The following PRDM15 variants were observed in gnomAD, a reference collection of about 807,000 sequenced individuals.
PRDM15 encodes the protein PR/SET domain 15.
PRDM15 carries 64 observed loss-of-function variants against 128.6 expected under a neutral mutation model. The ratio of observed to expected loss-of-function variants is 0.50; its 90% CI spans 0.41 to 0.61. PRDM15 has a LOEUF of 0.61. Ranked by LOEUF, PRDM15 falls within the 20% of genes least tolerant of loss-of-function variation. The pLI, the probability that PRDM15 is intolerant of heterozygous loss-of-function variation, is 0.00. For missense variants in PRDM15, 1,242 were observed against 1,569.1 expected, an observed-to-expected ratio of 0.79 and a Z score of 3.52; for synonymous variants, 615 against 621.8, an observed-to-expected ratio of 0.99 and a Z score of 0.16.
At chr21:41,851,646 T>A (rs1270022881) in intron 5 of PRDM15, among the ~76,000 whole-genome samples, 1 of 152,026 alleles carries the variant, frequency 6.6e-6, no homozygotes, top group Non-Finnish European at 1.5e-5. Context: ...GGCTTGCCAT[T>A]TGAACAATCA....
chr21:41,836,307 C>T, intron 9 of PRDM15, 100 bp from the exon 10 acceptor site: 1 of 1,324,116 alleles, frequency 7.6e-7, no homozygotes, highest in Non-Finnish European at 1.1e-6. Context: ...CTCGCTCCCA[C>T]CATGCGAAGG....
chr21:41,867,836 C>T (rs2064067138), intron 1 of PRDM15, among the ~76,000 whole-genome samples: 1 of 152,128 alleles, frequency 6.6e-6, no homozygotes, highest in Admixed American at 6.6e-5. Flanking sequence ...GCAGGTGAAT[C>T]ACCTGAGGTC....
intron 1 of PRDM15, chr21:41,871,517 C>G: frequency 1.2e-6 from 2 of 1,607,760 alleles, no homozygotes. Context: ...AGGATTGCGT[C>G]GCAGGCCTGC....
At chr21:41,847,323 G>A in intron 5 of PRDM15, 132 bp from the exon 6 acceptor site, 2 of 619,124 alleles carry the variant, frequency 3.2e-6, no homozygotes, top group Non-Finnish European at 5.6e-6. Context: ...AGACGGGCCT[G>A]TGGTCACTCC....
chr21:41,799,498 C>T lies in PRDM15; in HGVS notation c.*1742G>A, dbSNP rs1484137659. The T allele has an allele frequency of 2.6e-5, 4 of 152,256 alleles. 1 individual carries two copies. Among genetic ancestry groups the T allele is most frequent in the East Asian group, 1.9e-4 (1 of 5,186 alleles). 9.4% of individuals were successfully genotyped at this position (152,256 alleles called of 1,614,324 possible). Reference sequence around the variant, plus strand: ...ATTCAACTGAGAGGTGAGAGCTAGGCGCGAGTGATGGTGGGTAAGGTGAGG... The same window carrying T: ...ATTCAACTGAGAGGTGAGAGCTAGGTGCGAGTGATGGTGGGTAAGGTGAGG... On this transcript the variant is annotated 3_prime_UTR_variant, in exon 24 of 24. Transcript: ENST00000398548.
rs187056816 is a variant in PRDM15 at position 41,864,063 on chromosome 21, C to T, written c.-9-3691G>A. Among the ~76,000 whole-genome samples, 296 of 152,268 alleles carry T rather than the reference C, an allele frequency of 1.9e-3. 1 individual carries two copies. Among genetic ancestry groups the T allele is most frequent in the African/African-American group, 5.7e-3 (235 of 41,530 alleles). ...TTCACCATGTTGGCCAGGAGGGCCT[C>T]GATCTCTTGACCTCGTGATCTGCCC... is the stretch of plus-strand genomic sequence containing the variant. On this transcript the variant is annotated intron_variant, in intron 1 of 23. Coordinates refer to ENST00000398548, the MANE Select transcript of PRDM15 (RefSeq NM_001040424.3).
rs1158170548 is a variant in PRDM15, at chr21:41,844,709, G to GACACAC, written c.640+2375_640+2380dup. 5.3e-3 allele frequency among the ~76,000 whole-genome samples: 5 copies of GACACAC among 950 alleles called. 2 individuals carry two copies. The highest frequency in any genetic ancestry group is 0.023 in the African/African-American group (2 of 86). 0.6% of individuals were successfully genotyped at this position (950 alleles called of 152,430 possible). On this transcript the variant is annotated intron_variant, in intron 6 of 23. Transcript: ENST00000398548. ...CACACAGCCCCTCCTCCATCACAGG[G>GACACAC]ACACACACACACACACACACACACA...
chr21:41,804,582 G>T lies in PRDM15; in HGVS notation c.2685C>A (p.His895Gln), dbSNP rs1398907644. ...VLAVRIDDLD[H>Q]LPETTTIDAS... ...CGTCGATGGTGGTGGTCTCCGGGAG[G>T]TGGTCCAGGTCATCGATCCTCACCG... Residue 895 changes from histidine to glutamine, a missense_variant, in exon 22 of 24, where the codon CAC becomes CAA. Physicochemically the swap from His to Gln is conservative, Grantham distance 24 (BLOSUM62 0). This residue lies in a region of PRDM15 where 602 missense variants were observed against 788.3 expected (regional missense o/e 0.76). Coordinates refer to ENST00000398548, the MANE Select transcript of PRDM15 (RefSeq NM_001040424.3). 3 of 1,571,432 alleles carry T rather than the reference G, an allele frequency of 1.9e-6. No individual in the cohort carries two copies. Among genetic ancestry groups the T allele is most frequent in the Non-Finnish European group, 1.7e-6 (2 of 1,158,250 alleles).
chr21:41,836,627 T>G lies in PRDM15; in HGVS notation c.1024A>C (p.Thr342Pro). 3 of 1,607,426 alleles carry G rather than the reference T, an allele frequency of 1.9e-6. No homozygotes were observed. The highest frequency in any genetic ancestry group is 2.6e-6 in the Non-Finnish European group (3 of 1,174,976). The change falls in exon 9 of 24, where the codon ACC becomes CCC. Residue 342 changes from threonine (T) to proline (P), a missense_variant. Thr to Pro is a conservative substitution (Grantham distance 38). Coordinates refer to ENST00000398548, the MANE Select transcript of PRDM15 (RefSeq NM_001040424.3). ...VPKFTHHQNN[T>P]ITLKRSLILS... ...ATTAAGCTCCTCTTGAGCGTGATGG[T>G]GTTATTCTGATGATGGGTGAACCTG... is the stretch of plus-strand genomic sequence containing the variant.
rs774058087 is a variant in PRDM15 at position 41,825,941 on chromosome 21, C to T, written c.1629+19G>A. The T allele has an allele frequency of 3.9e-5, 61 of 1,576,960 alleles. No homozygotes were observed. Among genetic ancestry groups the T allele is most frequent in the Non-Finnish European group, 4.8e-5 (55 of 1,146,326 alleles). Reference sequence around the variant, plus strand: ...ATGTGCTTTCCATCTCAGCGTCCGACGTGGACTGCGAGCATTACCTTGCCA... The same window carrying T: ...ATGTGCTTTCCATCTCAGCGTCCGATGTGGACTGCGAGCATTACCTTGCCA... On this transcript the variant is annotated intron_variant, in intron 13 of 23. Transcript: ENST00000398548.
At chr21:41,817,616 G>C (rs1358874095) in intron 18 of PRDM15, among the ~76,000 whole-genome samples, 1 of 152,142 alleles carries the variant, frequency 6.6e-6, no homozygotes, top group Non-Finnish European at 1.5e-5. Flanking sequence ...AAAGGGTCTG[G>C]TTATATGAAT....
intron 18 of PRDM15, among the ~76,000 whole-genome samples, chr21:41,818,811 TATG>T (rs956864123): frequency 5.3e-5 from 8 of 152,206 alleles, no homozygotes; most frequent in Non-Finnish European, 7.3e-5. Context: ...GGGTTAAAAT[TATG>T]ATGTGTACTG....
At chr21:41,853,045 C>T (rs575749675) in intron 5 of PRDM15, among the ~76,000 whole-genome samples, 1 of 152,246 alleles carries the variant, frequency 6.6e-6, no homozygotes, top group Admixed American at 6.5e-5. Context: ...AGTCCCGGGA[C>T]AGATTCTCCC....
Position 41,860,346 on chromosome 21 carries a change from G to A in PRDM15, c.18C>T (p.Ser6=), listed in dbSNP as rs142772562. Residue 6 remains serine (S), a synonymous_variant, in exon 2 of 24, where the codon AGC becomes AGT. Transcript: ENST00000398548. MAEDG[S]EEIMFIWCED... ...ACTTACAGATGAACATGATCTCTTC[G>A]CTCCCATCTTCAGCCATCTCTGACA... 39 of 1,613,764 alleles carry A rather than the reference G, an allele frequency of 2.4e-5. 1 individual carries two copies. The highest frequency in any genetic ancestry group is 3.3e-4 in the Middle Eastern group (2 of 6,062).
At chr21:41,871,759 T>C in intron 1 of PRDM15, 1 of 946,088 alleles carries the variant, frequency 1.1e-6, no homozygotes, top group Non-Finnish European at 1.5e-6. Context: ...CCTTCCTGGA[T>C]GGTTGCTGCT....
At chr21:41,864,384 A>G (rs73361568) in intron 1 of PRDM15, among the ~76,000 whole-genome samples, 4,719 of 152,288 alleles carry the variant, frequency 0.031, 249 homozygotes, top group African/African-American at 0.11. Flanking sequence ...GGCAAGCCAC[A>G]GTTTTTAGGC....
chr21:41,830,954 C>T lies in PRDM15; in HGVS notation c.1367-2621G>A, dbSNP rs943907464. Among the ~76,000 whole-genome samples the T allele has an allele frequency of 1.3e-4, 20 of 151,906 alleles. 1 individual carries two copies. The highest frequency in any genetic ancestry group is 4.6e-4 in the African/African-American group (19 of 41,550). On this transcript the variant is annotated intron_variant, in intron 11 of 23. Transcript: ENST00000398548. The stretch of plus-strand genomic sequence containing the variant: ...AGCAGCCCCAGGTCCCCTCGCCCTG[C>T]CCCCATCCATCAGATGTCTCACCAG...
rs1379675352 is a variant in PRDM15, at chr21:41,836,461, G to C, written c.1183+7C>G. ...CCCCGGGCGCCAGCCGGGCCTCGCG[G>C]ACTCACCATGCGAGCGCACGTGCCT... On this transcript the variant is annotated splice_region_variant and intron_variant, in intron 9 of 23. Coordinates refer to ENST00000398548, the MANE Select transcript of PRDM15 (RefSeq NM_001040424.3). 1.9e-6 allele frequency: 3 copies of C among 1,605,298 alleles called. No individual in the cohort carries two copies. The highest frequency in any genetic ancestry group is 2.6e-6 in the Non-Finnish European group (3 of 1,174,436).
chr21:41,810,293 T>C lies in PRDM15; in HGVS notation c.2513A>G (p.Lys838Arg), dbSNP rs1423752476. The change falls in exon 21 of 24, where the codon AAG (lysine) becomes AGG (arginine). Residue 838 changes from lysine to arginine, a missense_variant. By Grantham distance (26) the Lys-to-Arg change is conservative (BLOSUM62 2). Around this residue, in one of 3 missense-constraint regions of PRDM15, gnomAD observed 602 missense variants for 788.3 expected, o/e 0.76. Coordinates refer to ENST00000398548, the MANE Select transcript of PRDM15 (RefSeq NM_001040424.3). This position sits in a 1 kb window ranked among gnomAD's most constrained non-coding sequence, Gnocchi z 6.4. The part of the protein sequence containing the change: ...KQWTCSVCDK[K>R]YVTEYMLQKH... ...CTGCAGCATGTACTCGGTCACGTAC[T>C]TCTTGTCGCACACGGAGCACGTCCA... is the stretch of plus-strand genomic sequence containing the variant. 1 of 1,613,582 alleles carries C rather than the reference T, an allele frequency of 6.2e-7. No homozygotes were observed. Among genetic ancestry groups the C allele is most frequent in the East Asian group, 2.2e-5 (1 of 44,870 alleles).
Sources: allele counts gnomAD v4.1 joint callset (sites outside exome capture counted in the v4.1 genomes callset), GRCh38; gene constraint gnomAD v4.1.1; regional missense constraint gnomAD v4.1.1; non-coding constraint Gnocchi (gnomAD v3.1); transcripts MANE v1.5; gene names NCBI Gene and HGNC (gene_info 2026-07-23, HGNC 2026-07-21).